SORCS3: variants seen among roughly 807,000 people sequenced by gnomAD.
SORCS3 encodes sortilin related VPS10 domain containing receptor 3.
Under a neutral mutation model 146.3 loss-of-function variants are expected in SORCS3, and 57 were observed. That is an observed-to-expected ratio of 0.39 (90% CI 0.31 to 0.49). The LOEUF (loss-of-function observed/expected upper bound fraction) is 0.49, where lower values mean the gene tolerates loss of function less well. Among genes scored for constraint, SORCS3 ranks in the 20% least tolerant of loss-of-function variants. SORCS3 has a pLI of 0.92. For synonymous variants in SORCS3, 653 were observed against 618.5 expected (o/e 1.06, Z -0.83); for missense variants, 1,341 against 1,575.5 (o/e 0.85, Z 2.52).
chr10:105,098,733 T>C (rs1431464431), intron 6 of SORCS3, among the ~76,000 whole-genome samples: 1 of 152,202 alleles, frequency 6.6e-6, no homozygotes, highest in Non-Finnish European at 1.5e-5. Flanking sequence ...CAACACAGAA[T>C]GAGCAGTCAA....
At chr10:104,918,817 G>A (rs1461411088) in intron 3 of SORCS3, among the ~76,000 whole-genome samples, 2 of 152,202 alleles carry the variant, frequency 1.3e-5, no homozygotes, top group Non-Finnish European at 2.9e-5. Flanking sequence ...GGCCACAACA[G>A]AATTAATCGT....
intron 1 of SORCS3, among the ~76,000 whole-genome samples, chr10:104,721,415 C>G (rs1329628145): frequency 6.6e-6 from 1 of 152,194 alleles, no homozygotes; most frequent in Admixed American, 6.5e-5. Context: ...TAGCCTGATG[C>G]GACCGGCTTT....
chr10:104,780,137 GTTTT>G (rs72352792), intron 1 of SORCS3, among the ~76,000 whole-genome samples: 1 of 145,410 alleles, frequency 6.9e-6, no homozygotes, highest in African/African-American at 2.5e-5. Context: ...AGAGGAGGCA[GTTTT>G]TTTTTTTTTA....
chr10:104,847,960 T>C (rs1442560787), intron 2 of SORCS3, among the ~76,000 whole-genome samples: 1 of 152,076 alleles, frequency 6.6e-6, no homozygotes, highest in Non-Finnish European at 1.5e-5. Flanking sequence ...CCCTCCTTTC[T>C]GGGTGGGAGG....
At chr10:104,765,018 G>A (rs1456813463) in intron 1 of SORCS3, among the ~76,000 whole-genome samples, 1 of 152,134 alleles carries the variant, frequency 6.6e-6, no homozygotes, top group East Asian at 1.9e-4. Context: ...GAAGGTGGTG[G>A]GCTGGTCCCT....
At chr10:104,999,481 TC>T (rs1252842267) in intron 4 of SORCS3, among the ~76,000 whole-genome samples, 1 of 152,208 alleles carries the variant, frequency 6.6e-6, no homozygotes, top group Non-Finnish European at 1.5e-5. Flanking sequence ...GAAATAGTTT[TC>T]CCTTATTCAC....
intron 3 of SORCS3, among the ~76,000 whole-genome samples, chr10:104,959,459 A>G (rs148024112): frequency 6.6e-6 from 1 of 152,198 alleles, no homozygotes; most frequent in Non-Finnish European, 1.5e-5. Context: ...CTAGTTATGA[A>G]CAAGGAAGCA....
intron 7 of SORCS3, among the ~76,000 whole-genome samples, chr10:105,110,768 A>C (rs572566195): frequency 1.3e-5 from 2 of 152,222 alleles, no homozygotes; most frequent in East Asian, 3.9e-4. Flanking sequence ...CTTTAGGGTG[A>C]TTTATAATAG....
At chr10:105,025,573 A>G (rs563878478) in intron 4 of SORCS3, among the ~76,000 whole-genome samples, 1 of 151,980 alleles carries the variant, frequency 6.6e-6, no homozygotes, top group African/African-American at 2.4e-5. Flanking sequence ...GTACACTGGG[A>G]TTTTTGAATC....
At chr10:105,223,940 G>A (rs940088872) in intron 20 of SORCS3, among the ~76,000 whole-genome samples, 2 of 152,270 alleles carry the variant, frequency 1.3e-5, no homozygotes, top group Non-Finnish European at 2.9e-5. Flanking sequence ...CATTTTTGAG[G>A]AGTTGTAAGT....
intron 2 of SORCS3, among the ~76,000 whole-genome samples, chr10:104,914,201 T>C (rs1407766733): frequency 6.6e-6 from 1 of 152,184 alleles, no homozygotes; most frequent in Non-Finnish European, 1.5e-5. Flanking sequence ...TTCTTTCCTC[T>C]TATGAAGGGA....
rs140590950 is a variant in SORCS3, at chr10:104,839,059, C to T, written c.628-3733C>T. Among the ~76,000 whole-genome samples, 632 of 152,298 alleles carry T rather than the reference C, an allele frequency of 4.1e-3. 6 individuals are homozygous for T. Among genetic ancestry groups the T allele is most frequent in the African/African-American group, 0.013 (527 of 41,564 alleles). On this transcript the variant is annotated intron_variant, in intron 1 of 26. Transcript: ENST00000369701. ...TAGACTGGCTTAATAGCATCTCCTG[C>T]TGAAGTCTGTGATTTACCAACACAA...
chr10:104,686,307 G>A (rs2016042933), intron 1 of SORCS3, among the ~76,000 whole-genome samples: 1 of 152,052 alleles, frequency 6.6e-6, no homozygotes, highest in African/African-American at 2.4e-5. Flanking sequence ...TGTTGGGGGA[G>A]TGGGACAACA....
At chr10:104,651,771 G>A (rs1297164327) in intron 1 of SORCS3, among the ~76,000 whole-genome samples, 1 of 152,126 alleles carries the variant, frequency 6.6e-6, no homozygotes, top group African/African-American at 2.4e-5. Flanking sequence ...TATTCCCGGG[G>A]TGTTCCTTTG....
chr10:104,907,127 C>CTCTGTG (rs1554858751), intron 2 of SORCS3, among the ~76,000 whole-genome samples: 1 of 147,884 alleles, frequency 6.8e-6, no homozygotes, highest in Non-Finnish European at 1.5e-5. Context: ...CTGTATAGTA[C>CTCTGTG]TGTGTGTGTG....
intron 14 of SORCS3, among the ~76,000 whole-genome samples, chr10:105,189,488 C>T (rs555601662): frequency 1.4e-4 from 22 of 152,246 alleles, no homozygotes; most frequent in African/African-American, 3.9e-4. Flanking sequence ...ACCCTTTAGG[C>T]GCAGGAGCCT....
chr10:105,262,993 C>G (rs541294868), intron 26 of SORCS3, among the ~76,000 whole-genome samples: 1 of 152,208 alleles, frequency 6.6e-6, no homozygotes, highest in Non-Finnish European at 1.5e-5. Context: ...TGATAATGAC[C>G]TGCTGTTATG....
At chr10:105,239,170 C>T (rs2056809584) in intron 20 of SORCS3, among the ~76,000 whole-genome samples, 1 of 152,002 alleles carries the variant, frequency 6.6e-6, no homozygotes, top group African/African-American at 2.4e-5. Context: ...TGCTTTATTT[C>T]TTTGTATGTT....
intron 1 of SORCS3, among the ~76,000 whole-genome samples, chr10:104,644,183 G>C (rs2015464033): frequency 6.6e-6 from 1 of 152,220 alleles, no homozygotes; most frequent in Admixed American, 6.5e-5. Flanking sequence ...TGTATGAACA[G>C]CCCACAGGGA....
Sources: gnomAD v4.1 joint callset for allele counts (sites outside exome capture counted in the v4.1 genomes callset) on GRCh38, gnomAD v4.1.1 for gene constraint, MANE v1.5 for transcripts, NCBI Gene and HGNC (gene_info 2026-07-23, HGNC 2026-07-21) for gene names.